TBC1D22A: variants seen among roughly 807,000 people sequenced by gnomAD.
TBC1D22A encodes the protein TBC1 domain family member 22A.
In TBC1D22A, 38 loss-of-function variants were observed where a neutral mutation model predicts 60.2. That is an observed-to-expected ratio of 0.63 (90% confidence interval 0.49 to 0.83). The LOEUF is 0.83. TBC1D22A is among the 40% of genes least tolerant of loss of function. TBC1D22A has a pLI of 0.00. For missense variants in TBC1D22A, 628 were observed against 701.0 expected (o/e 0.90, Z 1.18); for synonymous variants, 302 against 281.7 (o/e 1.07, Z -0.72).
chr22:46,977,048 C>T (rs1438391702), intron 9 of TBC1D22A, among the ~76,000 whole-genome samples: 1 of 152,206 alleles, frequency 6.6e-6, no homozygotes, highest in African/African-American at 2.4e-5. Context: ...CAGGTTGGAG[C>T]TCGGTTACAC....
chr22:46,892,294 G>GT (rs2068447033), intron 6 of TBC1D22A, among the ~76,000 whole-genome samples: 2 of 75,220 alleles, frequency 2.7e-5, no homozygotes, highest in African/African-American at 4.0e-5. Context: ...GGTTTTATCT[G>GT]TAAAAAAAAA....
rs190289258 is a variant in TBC1D22A, at chr22:46,838,119, A to C, written c.637+40499A>C. ...CTACACTTGAAGGAACTAGAAAAAG[A>C]AGAACAAACGAAGTTCAAAGTTAGC... On this transcript the variant is annotated intron_variant, in intron 4 of 12. Coordinates refer to ENST00000337137, the MANE Select transcript of TBC1D22A (RefSeq NM_014346.5). Among the ~76,000 whole-genome samples the C allele has an allele frequency of 7.5e-3, 1,149 of 152,360 alleles. 11 individuals are homozygous for C. Among genetic ancestry groups the C allele is most frequent in the Non-Finnish European group, 0.012 (831 of 68,032 alleles).
At chr22:46,852,718 G>C (rs903287567) in intron 4 of TBC1D22A, among the ~76,000 whole-genome samples, 14 of 152,072 alleles carry the variant, frequency 9.2e-5, no homozygotes, top group Admixed American at 8.5e-4. Flanking sequence ...ATTGACTCCT[G>C]TCTCTCTGCT....
At chr22:46,871,539 A>G (rs916861371) in intron 4 of TBC1D22A, among the ~76,000 whole-genome samples, 3 of 152,264 alleles carry the variant, frequency 2.0e-5, no homozygotes, top group Non-Finnish European at 2.9e-5. Context: ...TTAAAAATCC[A>G]TAACAACAAG....
At chr22:47,099,956 C>T (rs967340220) in intron 11 of TBC1D22A, among the ~76,000 whole-genome samples, 8 of 152,186 alleles carry the variant, frequency 5.3e-5, no homozygotes, top group African/African-American at 1.7e-4. Flanking sequence ...GTGAGGGCCT[C>T]GAGCACCAGA....
At chr22:46,808,356 TAAAAAAATAA>T (rs893873044) in intron 4 of TBC1D22A, among the ~76,000 whole-genome samples, 24 of 115,838 alleles carry the variant, frequency 2.1e-4, no homozygotes, top group African/African-American at 9.2e-4. Context: ...AGATTCTGCT[TAAAAAAATAA>T]AAAAAAATAA....
In TBC1D22A at chr22:46,762,839, T is replaced by A; in HGVS notation, c.53T>A (p.Leu18His). ...KQFWKRSNSK[L>H]PGSIQHVYGA... is the part of the protein sequence containing the mutation. Reference sequence around the variant, plus strand: ...TTCTGGAAGCGCAGCAACAGCAAGCTCCCGGGCAGGTGGGTGTGCCGCGGA... The same window carrying A: ...TTCTGGAAGCGCAGCAACAGCAAGCACCCGGGCAGGTGGGTGTGCCGCGGA... Residue 18 changes from leucine to histidine, a missense_variant, in exon 1 of 13, where the codon CTC becomes CAC. Coordinates refer to ENST00000337137, the MANE Select transcript of TBC1D22A (RefSeq NM_014346.5). 6.8e-7 allele frequency: 1 copy of A among 1,465,672 alleles called. No individual in the cohort carries two copies. Among genetic ancestry groups the A allele is most frequent in the Non-Finnish European group, 9.0e-7 (1 of 1,115,210 alleles). 90.8% of individuals were successfully genotyped at this position (1,465,672 alleles called of 1,614,324 possible).
chr22:47,065,656 A>ACGAGGACTTAGCAGGCCTCGGAGTT, intron 11 of TBC1D22A, among the ~76,000 whole-genome samples: 127 of 145,598 alleles, frequency 8.7e-4, no homozygotes, highest in South Asian at 2.0e-3. Context: ...GGTTGGATTG[A>ACGAGGACTTAGCAGGCCTCGGAGTT]GGGAGACCTG....
chr22:46,972,938 C>A (rs961613427), intron 8 of TBC1D22A, among the ~76,000 whole-genome samples: 2 of 152,202 alleles, frequency 1.3e-5, no homozygotes, highest in African/African-American at 4.8e-5. Flanking sequence ...TTGGATGTGT[C>A]CAGGGCTGTT....
intron 4 of TBC1D22A, among the ~76,000 whole-genome samples, chr22:46,799,605 C>A (rs1465519506): frequency 3.3e-5 from 5 of 152,190 alleles, no homozygotes; most frequent in Admixed American, 3.3e-4. Context: ...CCAGTGGGGA[C>A]CATGCGTTCC....
At chr22:46,788,017 A>G (rs2084238992) in intron 1 of TBC1D22A, among the ~76,000 whole-genome samples, 1 of 150,858 alleles carries the variant, frequency 6.6e-6, no homozygotes, top group African/African-American at 2.4e-5. Flanking sequence ...GCTCACTGCA[A>G]GCTCTGCCTC....
intron 1 of TBC1D22A, among the ~76,000 whole-genome samples, chr22:46,767,347 A>G (rs534317878): frequency 6.6e-6 from 1 of 152,350 alleles, no homozygotes; most frequent in African/African-American, 2.4e-5. Flanking sequence ...TTAAGTAGCT[A>G]TGGCAAATGG....
At chr22:46,923,267 T>C (rs2070859364) in intron 8 of TBC1D22A, among the ~76,000 whole-genome samples, 1 of 152,244 alleles carries the variant, frequency 6.6e-6, no homozygotes, top group South Asian at 2.1e-4. Flanking sequence ...ATTAAGATCC[T>C]TTCTTCCCAC....
intron 4 of TBC1D22A, among the ~76,000 whole-genome samples, chr22:46,870,187 G>A (rs1244594905): frequency 6.6e-6 from 1 of 152,232 alleles, no homozygotes; most frequent in Non-Finnish European, 1.5e-5. Flanking sequence ...ACTGAAGAGG[G>A]AGAGCCTCCA....
At chr22:47,055,975 G>A (rs553400957) in intron 11 of TBC1D22A, among the ~76,000 whole-genome samples, 8 of 152,230 alleles carry the variant, frequency 5.3e-5, no homozygotes, top group South Asian at 4.2e-4. Flanking sequence ...GGAAGGTGCC[G>A]TCCAGGGAGC....
chr22:46,984,366 CAAAAAAAAAAAAAAAAAAAAA>C (rs136119), intron 9 of TBC1D22A, among the ~76,000 whole-genome samples: 252 of 27,748 alleles, frequency 9.1e-3, no homozygotes, highest in East Asian at 0.041. Context: ...GACTCCATCT[CAAAAAAAAAAAAAAAAAAAAA>C]AAAAAAAAAA....
At chr22:47,045,264 A>G (rs1422151789) in intron 11 of TBC1D22A, among the ~76,000 whole-genome samples, 6 of 152,020 alleles carry the variant, frequency 3.9e-5, no homozygotes. Context: ...TGTCCCTCGG[A>G]CTCTGCGGGA....
chr22:46,980,072 T>G (rs903121135), intron 9 of TBC1D22A, among the ~76,000 whole-genome samples: 3 of 152,136 alleles, frequency 2.0e-5, no homozygotes, highest in Non-Finnish European at 2.9e-5. Flanking sequence ...CCCAGAGACC[T>G]GAGACACTAG....
At chr22:46,884,277 G>A (rs1424464695) in intron 5 of TBC1D22A, among the ~76,000 whole-genome samples, 3 of 152,210 alleles carry the variant, frequency 2.0e-5, no homozygotes, top group African/African-American at 7.2e-5. Flanking sequence ...GGGCCGCACT[G>A]AGGAGGTGAC....
Sources: gnomAD v4.1 joint callset for allele counts (sites outside exome capture counted in the v4.1 genomes callset) on GRCh38, gnomAD v4.1.1 for gene constraint, MANE v1.5 for transcripts, NCBI Gene and HGNC (gene_info 2026-07-23, HGNC 2026-07-21) for gene names.